MTHFD2L: variants seen among roughly 807,000 people sequenced by gnomAD.
MTHFD2L encodes the protein methylenetetrahydrofolate dehydrogenase (NADP+ dependent) 2 like, also known as bifunctional methylenetetrahydrofolate dehydrogenase/cyclohydrolase 2, mitochondrial.
In MTHFD2L, 29 loss-of-function variants were observed where a neutral mutation model predicts 34.9. The observed-to-expected ratio is 0.83, with a 90% confidence interval of 0.62 to 1.13. The LOEUF (loss-of-function observed/expected upper bound fraction) is 1.13. Among genes scored for constraint, MTHFD2L ranks in the 50% most tolerant of loss-of-function variants. The pLI is 0.00. For missense variants in MTHFD2L, 481 were observed against 446.5 expected (o/e 1.08, Z -0.70); for synonymous variants, 167 against 155.7 (o/e 1.07, Z -0.54).
intron 5 of MTHFD2L, among the ~76,000 whole-genome samples, chr4:74,210,609 T>A (rs1736141714): frequency 6.6e-6 from 1 of 152,332 alleles, no homozygotes; most frequent in Middle Eastern, 3.4e-3. Context: ...GTAGTATAGT[T>A]TGAAGACAGG....
chr4:74,263,796 T>G (rs142406290), intron 6 of MTHFD2L, among the ~76,000 whole-genome samples: 4 of 152,112 alleles, frequency 2.6e-5, no homozygotes, highest in African/African-American at 9.6e-5. Flanking sequence ...GACTTCCTAT[T>G]TAGATGCCTT....
chr4:74,206,308 G>A (rs183318630), intron 5 of MTHFD2L, among the ~76,000 whole-genome samples: 15 of 152,194 alleles, frequency 9.9e-5, no homozygotes, highest in Non-Finnish European at 1.6e-4. Context: ...AACTTGGGTC[G>A]CAGTCCAGCT....
upstream of MTHFD2L, among the ~76,000 whole-genome samples, chr4:74,154,098 T>C (rs893738493): frequency 6.6e-6 from 1 of 152,200 alleles, no homozygotes; most frequent in Non-Finnish European, 1.5e-5. Context: ...TCTTCGGGTA[T>C]ATTGTAGGAT....
At chr4:74,142,783 G>A (rs1723355803) in intron 1 of MTHFD2L, among the ~76,000 whole-genome samples, 1 of 152,118 alleles carries the variant, frequency 6.6e-6, no homozygotes, top group African/African-American at 2.4e-5. Context: ...GAATGGGAGA[G>A]CCAAGAGGCT....
intron 1 of MTHFD2L, among the ~76,000 whole-genome samples, chr4:74,147,479 C>T (rs543874264): frequency 9.2e-5 from 14 of 152,262 alleles, no homozygotes; most frequent in Middle Eastern, 3.4e-3. Flanking sequence ...CTCCTTTGGG[C>T]GAGTTACAGA....
intron 6 of MTHFD2L, among the ~76,000 whole-genome samples, chr4:74,272,581 G>A (rs10019396): frequency 0.25 from 37,679 of 151,600 alleles, 4,791 homozygotes; most frequent in African/African-American, 0.3. Context: ...TGGCTTTACC[G>A]AGTAACTCCC....
upstream of MTHFD2L, among the ~76,000 whole-genome samples, chr4:74,122,355 GGAGA>G (rs994144479): frequency 3.3e-5 from 5 of 152,000 alleles, no homozygotes; most frequent in East Asian, 5.8e-4. Flanking sequence ...CATGGTGACA[GGAGA>G]GAGAGAGAGT....
At chr4:74,187,852 G>A (rs548501997) in intron 3 of MTHFD2L, among the ~76,000 whole-genome samples, 11 of 143,788 alleles carry the variant, frequency 7.7e-5, no homozygotes, top group African/African-American at 2.4e-4. Context: ...CAGCCATTCC[G>A]TGCCTGTGTA....
chr4:74,166,717 A>G (rs533045314), intron 1 of MTHFD2L, among the ~76,000 whole-genome samples: 65 of 152,150 alleles, frequency 4.3e-4, no homozygotes, highest in African/African-American at 1.5e-3. Context: ...GGCCTGCACT[A>G]ATGCCAGGGC....
intron 3 of MTHFD2L, among the ~76,000 whole-genome samples, chr4:74,184,800 G>A (rs1730831703): frequency 6.6e-6 from 1 of 152,084 alleles, no homozygotes; most frequent in Admixed American, 6.6e-5. Flanking sequence ...GAGAATTCAT[G>A]TCACACAAAA....
chr4:74,185,407 T>C (rs768212248), intron 3 of MTHFD2L, among the ~76,000 whole-genome samples: 3 of 151,970 alleles, frequency 2.0e-5, no homozygotes, highest in African/African-American at 7.2e-5. Flanking sequence ...TCTCATCTTA[T>C]ACTTTAAGAT....
chr4:74,247,010 G>T (rs1328356444), intron 6 of MTHFD2L, among the ~76,000 whole-genome samples: 2 of 149,968 alleles, frequency 1.3e-5, no homozygotes, highest in African/African-American at 2.5e-5. Context: ...TTCCAATTCT[G>T]TGAAGAAAGT....
intron 3 of MTHFD2L, among the ~76,000 whole-genome samples, chr4:74,191,344 G>A (rs1467201306): frequency 4.0e-5 from 6 of 150,254 alleles, no homozygotes; most frequent in African/African-American, 1.5e-4. Context: ...TGATCTATTA[G>A]CATAAAACTT....
intron 3 of MTHFD2L, among the ~76,000 whole-genome samples, chr4:74,185,872 C>T (rs1299172924): frequency 6.6e-6 from 1 of 152,244 alleles, no homozygotes; most frequent in East Asian, 1.9e-4. Context: ...GGAATGCTTT[C>T]TAACACATTT....
At chr4:74,117,397 A>G (rs1315333995) in intron 2 of MTHFD2L, among the ~76,000 whole-genome samples, 2 of 152,228 alleles carry the variant, frequency 1.3e-5, no homozygotes, top group African/African-American at 4.8e-5. Context: ...GAAGTCAGTT[A>G]AGAAAAGGTA....
At chr4:74,146,592 A>G (rs1334502878) in intron 1 of MTHFD2L, among the ~76,000 whole-genome samples, 2 of 152,190 alleles carry the variant, frequency 1.3e-5, no homozygotes, top group African/African-American at 4.8e-5. Flanking sequence ...ATTAAATCAT[A>G]CCATATTTGT....
At chr4:74,254,678 T>C (rs185529148) in intron 6 of MTHFD2L, among the ~76,000 whole-genome samples, 133 of 151,620 alleles carry the variant, frequency 8.8e-4, no homozygotes, top group African/African-American at 3.0e-3. Context: ...AATGAAAGTA[T>C]ACTAAGAACA....
intron 6 of MTHFD2L, 101 bp from the exon 7 acceptor site, chr4:74,281,324 C>CGTGTGTGTGTGTGT (rs3832298): frequency 0.11 from 97,170 of 860,748 alleles, 4,287 homozygotes; most frequent in Admixed American, 0.22. Flanking sequence ...ATTACACATA[C>CGTGTGTGTGTGTGT]GTGTGTGTGT....
At chr4:74,284,866 T>C (rs966459076) in intron 7 of MTHFD2L, among the ~76,000 whole-genome samples, 8 of 152,124 alleles carry the variant, frequency 5.3e-5, no homozygotes, top group Non-Finnish European at 1.2e-4. Flanking sequence ...CTATAAATCA[T>C]GCTGCTATAA....
Sources: allele counts gnomAD v4.1 joint callset (sites outside exome capture counted in the v4.1 genomes callset), GRCh38; gene constraint gnomAD v4.1.1; transcripts MANE v1.5; gene names NCBI Gene and HGNC (gene_info 2026-07-23, HGNC 2026-07-21).